Variants in CAMKMT observed in about 807,000 individuals in gnomAD.
CAMKMT encodes the protein calmodulin-lysine N-methyltransferase.
CAMKMT carries 53 observed loss-of-function variants against 48.0 expected under a neutral mutation model. That is an observed-to-expected ratio of 1.10 (90% CI 0.89 to 1.39). The LOEUF is 1.39. CAMKMT is among the 40% of genes most tolerant of loss of function. The pLI, the probability that CAMKMT is intolerant of heterozygous loss-of-function variation, is 0.00. For missense variants in CAMKMT, 428 were observed against 402.7 expected (o/e 1.06, Z -0.54); for synonymous variants, 165 against 152.3 (o/e 1.08, Z -0.61).
chr2:44,628,961 A>C (rs1172395274), intron 3 of CAMKMT, among the ~76,000 whole-genome samples: 1 of 152,188 alleles, frequency 6.6e-6, no homozygotes, highest in African/African-American at 2.4e-5. Context: ...TAAATGTTTC[A>C]TGTACACTTG....
chr2:44,690,078 G>A (rs879526892), intron 3 of CAMKMT, among the ~76,000 whole-genome samples: 19 of 152,316 alleles, frequency 1.2e-4, no homozygotes, highest in Non-Finnish European at 2.4e-4. Context: ...AAATAGACAT[G>A]TAATGAAGAT....
intron 8 of CAMKMT, among the ~76,000 whole-genome samples, chr2:44,752,046 T>C (rs1430444968): frequency 6.6e-6 from 1 of 151,882 alleles, no homozygotes; most frequent in Non-Finnish European, 1.5e-5. Context: ...CCTCCAACAC[T>C]GGGGATCACA....
chr2:44,514,811 T>C lies in CAMKMT; in HGVS notation c.376+124506T>C, dbSNP rs557576475. Among the ~76,000 whole-genome samples, 424 of 152,334 alleles carry C rather than the reference T, an allele frequency of 2.8e-3. 1 individual carries two copies. The highest frequency in any genetic ancestry group is 9.7e-3 in the African/African-American group (403 of 41,572). On this transcript the variant is annotated intron_variant, in intron 3 of 10. Coordinates refer to ENST00000378494, the MANE Select transcript of CAMKMT (RefSeq NM_024766.5). ...ACGGTTGTTGCTATAGCAATGATAT[T>C]CGTGCCTAGATTCTTCCCCATATCC...
At chr2:44,694,561 TC>T (rs576655340) in intron 3 of CAMKMT, among the ~76,000 whole-genome samples, 35 of 152,260 alleles carry the variant, frequency 2.3e-4, no homozygotes, top group Admixed American at 6.5e-4. Flanking sequence ...AGATCCTGTC[TC>T]CAAAAATAAA....
chr2:44,724,470 G>A (rs183149663), intron 7 of CAMKMT, among the ~76,000 whole-genome samples: 36 of 152,214 alleles, frequency 2.4e-4, no homozygotes, highest in African/African-American at 8.7e-4. Context: ...TGAACAATCC[G>A]ACATTTGAAC....
At chr2:44,521,469 T>A (rs1346808157) in intron 3 of CAMKMT, among the ~76,000 whole-genome samples, 1 of 152,072 alleles carries the variant, frequency 6.6e-6, no homozygotes, top group Non-Finnish European at 1.5e-5. Context: ...TTAGTAGAGA[T>A]GGGGTTTCAC....
At chr2:44,390,729 A>G (rs1301005179) in intron 3 of CAMKMT, among the ~76,000 whole-genome samples, 1 of 152,122 alleles carries the variant, frequency 6.6e-6, no homozygotes, top group Non-Finnish European at 1.5e-5. Context: ...TCACTGTAGA[A>G]TAAACCCAGA....
At chr2:44,391,513 A>G (rs146262770) in intron 3 of CAMKMT, among the ~76,000 whole-genome samples, 158 of 152,248 alleles carry the variant, frequency 1.0e-3, no homozygotes, top group African/African-American at 3.4e-3. Context: ...AAGCATACCA[A>G]TGATGGTTGA....
intron 3 of CAMKMT, among the ~76,000 whole-genome samples, chr2:44,571,144 T>C (rs1668877561): frequency 6.6e-6 from 1 of 152,216 alleles, no homozygotes; most frequent in Admixed American, 6.5e-5. Flanking sequence ...CTAGAGCTGA[T>C]ATTTTAAATC....
At chr2:44,606,899 C>T (rs1185814373) in intron 3 of CAMKMT, among the ~76,000 whole-genome samples, 1 of 151,916 alleles carries the variant, frequency 6.6e-6, no homozygotes, top group Non-Finnish European at 1.5e-5. Context: ...CAGTGATTCC[C>T]TACCCGCCCT....
chr2:44,750,445 C>T (rs926748879), intron 8 of CAMKMT, among the ~76,000 whole-genome samples: 1 of 152,204 alleles, frequency 6.6e-6, no homozygotes, highest in Non-Finnish European at 1.5e-5. Context: ...GTTTGAGCCA[C>T]CGTGCCCTGT....
At chr2:44,464,871 C>T (rs756084288) in intron 3 of CAMKMT, among the ~76,000 whole-genome samples, 3 of 151,836 alleles carry the variant, frequency 2.0e-5, no homozygotes, top group Non-Finnish European at 4.4e-5. Context: ...TGCTAGACAG[C>T]AACACAAAAA....
chr2:44,488,909 A>G lies in CAMKMT; in HGVS notation c.376+98604A>G, dbSNP rs973212079. On this transcript the variant is annotated intron_variant, in intron 3 of 10. Coordinates refer to ENST00000378494, the MANE Select transcript of CAMKMT (RefSeq NM_024766.5). ...GAAATGGAGTCCCTTTCCATTGCCC[A>G]GACTGGAGTACAGTGGCACAGTCAT... Among the ~76,000 whole-genome samples, 4 of 151,050 alleles carry G rather than the reference A, an allele frequency of 2.6e-5. No individual in the cohort carries two copies. The East Asian group carries it at 7.8e-4, about 29-fold the overall frequency.
chr2:44,765,913 T>C (rs1680823299), intron 9 of CAMKMT, among the ~76,000 whole-genome samples: 1 of 152,214 alleles, frequency 6.6e-6, no homozygotes, highest in South Asian at 2.1e-4. Flanking sequence ...GACTGAAATA[T>C]GAAAACTCTC....
chr2:44,456,728 A>G (rs1667583527), intron 3 of CAMKMT: 4 of 885,960 alleles, frequency 4.5e-6, no homozygotes, highest in Non-Finnish European at 5.0e-6. Flanking sequence ...TTACAATCAT[A>G]GCAGAAATCC....
At chr2:44,720,141 AGCCG>A (rs1001263218) in intron 7 of CAMKMT, among the ~76,000 whole-genome samples, 1 of 152,190 alleles carries the variant, frequency 6.6e-6, no homozygotes, top group African/African-American at 2.4e-5. Flanking sequence ...TAAGAACGTT[AGCCG>A]GTTCAGCTAT....
intron 3 of CAMKMT, among the ~76,000 whole-genome samples, chr2:44,435,430 G>T (rs1477993347): frequency 6.6e-6 from 1 of 152,112 alleles, no homozygotes; most frequent in East Asian, 1.9e-4. Context: ...AGAATAGAAA[G>T]GCACTGCTTA....
At chr2:44,430,103 G>A (rs1448462791) in intron 3 of CAMKMT, among the ~76,000 whole-genome samples, 3 of 151,858 alleles carry the variant, frequency 2.0e-5, no homozygotes, top group Admixed American at 6.6e-5. Context: ...GATTCTCATG[G>A]TGCTGCATTA....
chr2:44,601,103 G>C (rs912647716), intron 3 of CAMKMT, among the ~76,000 whole-genome samples: 2 of 151,978 alleles, frequency 1.3e-5, no homozygotes, highest in African/African-American at 2.4e-5. Context: ...ACCAATATCA[G>C]TTAAAAAGTA....
Sources: allele counts gnomAD v4.1 joint callset (sites outside exome capture counted in the v4.1 genomes callset), GRCh38; gene constraint gnomAD v4.1.1; transcripts MANE v1.5; gene names NCBI Gene and HGNC (gene_info 2026-07-23, HGNC 2026-07-21).